WDR59: variants seen among roughly 807,000 people sequenced by gnomAD.
WDR59 encodes the protein WD repeat domain 59, also known as GATOR2 complex protein WDR59.
WDR59 carries 100 observed loss-of-function variants against 131.2 expected under a neutral mutation model. The observed-to-expected ratio is 0.76, with a 90% CI of 0.65 to 0.90. WDR59 has a LOEUF of 0.90. Among genes scored for constraint, WDR59 ranks in the 40% least tolerant of loss-of-function variants. The probability of loss-of-function intolerance (pLI) is 0.00; values close to 1 mark genes in which losing one functional copy is unlikely to be tolerated. For missense variants in WDR59, 1,203 were observed against 1,262.2 expected (o/e 0.95, Z 0.71); for synonymous variants, 601 against 466.2 (o/e 1.29, Z -3.72).
At chr16:74,899,783 G>A (rs1193303729) in intron 18 of WDR59, 1 of 1,286,066 alleles carries the variant, frequency 7.8e-7, no homozygotes, top group African/African-American at 1.5e-5. Flanking sequence ...CACCCAGGAG[G>A]AGGGAAGAAA....
chr16:74,962,475 T>C (rs561460352), intron 2 of WDR59, among the ~76,000 whole-genome samples: 1 of 152,318 alleles, frequency 6.6e-6, no homozygotes, highest in South Asian at 2.1e-4. Context: ...CAGTGGTTTG[T>C]AGTTCTCCTT....
At chr16:74,890,521 T>C (rs1964987338) in intron 20 of WDR59, among the ~76,000 whole-genome samples, 1 of 152,190 alleles carries the variant, frequency 6.6e-6, no homozygotes, top group African/African-American at 2.4e-5. Context: ...AGGCAGTCTA[T>C]AACACATTTA....
chr16:74,945,791 G>A (rs2032585663), intron 6 of WDR59, among the ~76,000 whole-genome samples: 1 of 151,388 alleles, frequency 6.6e-6, no homozygotes, highest in African/African-American at 2.4e-5. Context: ...CTGAGAGAGA[G>A]AGAGACAGGC....
intron 6 of WDR59, among the ~76,000 whole-genome samples, chr16:74,943,775 A>G (rs1476719533): frequency 6.6e-6 from 1 of 152,178 alleles, no homozygotes; most frequent in East Asian, 1.9e-4. Context: ...ACTTGATCCA[A>G]GAAGTCCAGA....
chr16:74,956,468 A>C lies in WDR59; in HGVS notation c.240+7T>G, dbSNP rs1045904707. The C allele has an allele frequency of 1.9e-6, 3 of 1,612,908 alleles. No individual in the cohort carries two copies. Among genetic ancestry groups the C allele is most frequent in the Admixed American group, 1.7e-5 (1 of 59,718 alleles). ...AGCATTCTCCTGTATTCCTTAAATA[A>C]GCTCACCGAAGCCGCAAAATAGTGT... On this transcript the variant is annotated splice_region_variant and intron_variant, in intron 3 of 25. Transcript: ENST00000262144.
intron 2 of WDR59, among the ~76,000 whole-genome samples, chr16:74,963,487 G>T (rs1488993232): frequency 6.6e-6 from 1 of 151,840 alleles, no homozygotes; most frequent in Non-Finnish European, 1.5e-5. Context: ...ACTAACACAA[G>T]AACAGAAAAC....
rs1965155874 is a variant in WDR59 at position 74,893,755 on chromosome 16, T to C, written c.1924A>G (p.Lys642Glu). 1.2e-6 allele frequency: 2 copies of C among 1,614,102 alleles called. No individual in the cohort carries two copies. The highest frequency in any genetic ancestry group is 8.5e-7 in the Non-Finnish European group (1 of 1,180,030). Reference sequence around the variant, plus strand: ...TGGATGATGACTTTCCCAGCAGCCTTGATCTGTCGATTGCCAGAGTCTGAT... The same window carrying C: ...TGGATGATGACTTTCCCAGCAGCCTCGATCTGTCGATTGCCAGAGTCTGAT... ...EGSDSGNRQI[K>E]AAGKVIIQDI... The change falls in exon 19 of 26, where the codon AAG (lysine) becomes GAG (glutamate). Residue 642 changes from lysine to glutamate, a missense_variant. Transcript: ENST00000262144.
Position 74,885,723 on chromosome 16 carries a change from C to T in WDR59, c.2619G>A (p.Trp873Ter), listed in dbSNP as rs1299998719. The change falls in exon 25 of 26, where the codon TGG becomes TGA. Residue 873 changes from tryptophan to a stop codon, truncating the protein, a stop_gained. Coordinates refer to ENST00000262144, the MANE Select transcript of WDR59 (RefSeq NM_030581.4). LOFTEE classifies it high-confidence loss of function. ...KKCYGEILYR[W>*]GLREKRAEVL... is the part of the protein sequence containing the mutation. The stretch of plus-strand genomic sequence containing the variant: ...CTTCAGCTCGCTTCTCTCTCAGACC[C>T]CAACGGTAGAGGATTTCCCCATAGC... 1 of 1,614,108 alleles carries T rather than the reference C, an allele frequency of 6.2e-7. No homozygotes were observed. Among genetic ancestry groups the T allele is most frequent in the Non-Finnish European group, 8.5e-7 (1 of 1,180,026 alleles).
chr16:74,924,916 C>T (rs1240531511), intron 8 of WDR59, among the ~76,000 whole-genome samples: 3 of 152,092 alleles, frequency 2.0e-5, no homozygotes, highest in African/African-American at 7.2e-5. Context: ...CTACCACTCC[C>T]GGCCACTTTG....
At chr16:74,893,599 T>C in intron 19 of WDR59, 80 bp downstream of exon 19, 1 of 1,464,760 alleles carries the variant, frequency 6.8e-7, no homozygotes, top group Non-Finnish European at 9.2e-7. Context: ...GAAGAAAGGA[T>C]TCCCACACTC....
chr16:74,976,273 T>G (rs994388153), intron 1 of WDR59, among the ~76,000 whole-genome samples: 6 of 152,096 alleles, frequency 3.9e-5, no homozygotes, highest in Non-Finnish European at 8.8e-5. Flanking sequence ...ATCTTTATCT[T>G]TGTGGCAAAG....
intron 7 of WDR59, among the ~76,000 whole-genome samples, chr16:74,942,134 C>G (rs1302885288): frequency 6.6e-6 from 1 of 152,174 alleles, no homozygotes; most frequent in Non-Finnish European, 1.5e-5. Flanking sequence ...ATTACAGCCA[C>G]AGCCAAGGAC....
At chr16:74,932,829 T>A (rs948488721) in intron 8 of WDR59, among the ~76,000 whole-genome samples, 8 of 152,140 alleles carry the variant, frequency 5.3e-5, no homozygotes, top group Admixed American at 1.3e-4. Flanking sequence ...GGTGAAAGGA[T>A]TTACAAATAC....
At chr16:74,879,954 G>T (rs370678687) in intron 25 of WDR59, among the ~76,000 whole-genome samples, 1 of 152,114 alleles carries the variant, frequency 6.6e-6, no homozygotes, top group Admixed American at 6.5e-5. Context: ...GGGAGGCTGA[G>T]GTGGAAGGAT....
In WDR59 at chr16:74,949,704, C is replaced by T. The variant is rs746611427; in HGVS notation, c.407+14G>A. 1 of 1,612,656 alleles carries T rather than the reference C, an allele frequency of 6.2e-7. No homozygotes were observed. The highest frequency in any genetic ancestry group is 2.2e-5 in the East Asian group (1 of 44,842). ...ACCCCCAACCAAGTGGTTATGCCTC[C>T]TAATTGTTCTTACTTGATATCCCAA... On this transcript the variant is annotated intron_variant, in intron 5 of 25. Coordinates refer to ENST00000262144, the MANE Select transcript of WDR59 (RefSeq NM_030581.4).
chr16:74,909,975 T>TG (rs1336010990), intron 14 of WDR59, 58 bp from the exon 15 acceptor site: 10 of 1,394,294 alleles, frequency 7.2e-6, no homozygotes, highest in African/African-American at 1.5e-5. Context: ...ATAGGTTTTT[T>TG]TTTTTTTTTT....
chr16:74,886,120 G>C, intron 24 of WDR59, 150 bp downstream of exon 24: 1 of 1,007,210 alleles, frequency 9.9e-7, no homozygotes, highest in South Asian at 1.8e-5. Flanking sequence ...AGAGGTTGCA[G>C]AGAGCCGAGA....
At chr16:74,964,928 G>A (rs555957382) in intron 2 of WDR59, among the ~76,000 whole-genome samples, 1 of 152,232 alleles carries the variant, frequency 6.6e-6, no homozygotes, top group South Asian at 2.1e-4. Flanking sequence ...GCTGGGCGTG[G>A]TGGCACGTGC....
At chr16:74,980,356 CTTT>C (rs35672894) in intron 1 of WDR59, among the ~76,000 whole-genome samples, 12 of 132,506 alleles carry the variant, frequency 9.1e-5, no homozygotes, top group Non-Finnish European at 1.1e-4. Context: ...AAATCTAAGT[CTTT>C]TTTTTTTTTT....
Sources: allele counts gnomAD v4.1 joint callset (sites outside exome capture counted in the v4.1 genomes callset), GRCh38; gene constraint gnomAD v4.1.1; transcripts MANE v1.5; gene names NCBI Gene and HGNC (gene_info 2026-07-23, HGNC 2026-07-21).